Variants in WSCD2 observed in about 807,000 individuals in gnomAD.
WSCD2 encodes the protein WSC domain sialate O sulfotransferase 2, also known as sialate:O-sulfotransferase 2.
Under a neutral mutation model 55.7 loss-of-function variants are expected in WSCD2, and 28 were observed. That is an observed-to-expected ratio of 0.50 (90% CI 0.37 to 0.69). WSCD2 has a LOEUF of 0.69. Among genes scored for constraint, WSCD2 ranks in the 30% least tolerant of loss-of-function variants. The pLI is 0.00. For synonymous variants in WSCD2, 301 were observed against 301.9 expected (o/e 1.00, Z 0.03); for missense variants, 616 against 762.1 (o/e 0.81, Z 2.26).
rs140277349 is a variant in WSCD2 at position 108,213,291 on chromosome 12, C to G, written c.682+2986C>G. 5.0e-4 allele frequency among the ~76,000 whole-genome samples: 76 copies of G among 151,556 alleles called. 1 individual carries two copies. In the East Asian group the frequency reaches 0.015, roughly 29 times the overall value. On this transcript the variant is annotated intron_variant, in intron 4 of 8. Coordinates refer to ENST00000547525, the MANE Select transcript of WSCD2 (RefSeq NM_014653.4). ...AAGTAGGATTGGTTGAACCACAGAC[C>G]CAGAGGGCTGCGGGGGCTCTGTCTT...
chr12:108,173,697 G>C (rs1326737067), intron 1 of WSCD2, among the ~76,000 whole-genome samples: 1 of 152,128 alleles, frequency 6.6e-6, no homozygotes, highest in Non-Finnish European at 1.5e-5. Flanking sequence ...AGGGGCCTGA[G>C]TGTGTTTCCT....
intron 1 of WSCD2, among the ~76,000 whole-genome samples, chr12:108,186,261 C>T (rs1219656718): frequency 6.6e-6 from 1 of 152,136 alleles, no homozygotes; most frequent in African/African-American, 2.4e-5. Flanking sequence ...CAGAAAGTTC[C>T]CATATAACCC....
At chr12:108,148,766 T>C (rs1374096325) in intron 1 of WSCD2, among the ~76,000 whole-genome samples, 1 of 152,200 alleles carries the variant, frequency 6.6e-6, no homozygotes, top group Non-Finnish European at 1.5e-5. Context: ...TCTTACTAAG[T>C]GCCAGAAACC....
chr12:108,214,449 T>C lies in WSCD2; in HGVS notation c.682+4144T>C, dbSNP rs141240175. ...CGGGCACGTGGACTCTTTGCCCTTG[T>C]TACAAAAGAACTGAGAAATGGACTT... On this transcript the variant is annotated intron_variant, in intron 4 of 8. Transcript: ENST00000547525. Among the ~76,000 whole-genome samples the C allele has an allele frequency of 2.2e-4, 33 of 152,364 alleles. No individual in the cohort carries two copies. The East Asian group carries it at 6.2e-3, about 28-fold the overall frequency.
intron 2 of WSCD2, among the ~76,000 whole-genome samples, chr12:108,199,509 T>C (rs541564903): frequency 6.6e-6 from 1 of 152,384 alleles, no homozygotes; most frequent in South Asian, 2.1e-4. Context: ...ATCCCAGTTC[T>C]GCAACCTGCT....
rs1399322004 is a variant in WSCD2 at position 108,166,810 on chromosome 12, T to C, written c.-551-28472T>C. ...CTTTCTGTCTTTCTTTCTTTCTCTC[T>C]TTTTTTCTTTTTTTTTTTTTTGACA... On this transcript the variant is annotated intron_variant, in intron 1 of 8. Transcript: ENST00000547525. Among the ~76,000 whole-genome samples the C allele has an allele frequency of 6.8e-5, 10 of 147,670 alleles. No individual in the cohort carries two copies. In the South Asian group the frequency reaches 2.1e-3, roughly 32 times the overall value.
chr12:108,192,462 G>A (rs929905161), intron 1 of WSCD2, among the ~76,000 whole-genome samples: 5 of 152,118 alleles, frequency 3.3e-5, no homozygotes, highest in Non-Finnish European at 2.9e-5. Flanking sequence ...CCCATCCCAC[G>A]AGGACTGCTG....
At chr12:108,207,864 G>A (rs921692028) in intron 3 of WSCD2, among the ~76,000 whole-genome samples, 1 of 152,102 alleles carries the variant, frequency 6.6e-6, no homozygotes, top group South Asian at 2.1e-4. Context: ...GGAAACAGAG[G>A]TGCATTCTAC....
At chr12:108,200,978 A>G (rs1307347415) in intron 2 of WSCD2, among the ~76,000 whole-genome samples, 1 of 152,200 alleles carries the variant, frequency 6.6e-6, no homozygotes, top group African/African-American at 2.4e-5. Flanking sequence ...CCAGAAGGAG[A>G]AAAAGTATTT....
chr12:108,229,906 A>G (rs1288503333), intron 6 of WSCD2, among the ~76,000 whole-genome samples: 1 of 151,974 alleles, frequency 6.6e-6, no homozygotes, highest in African/African-American at 2.4e-5. Context: ...AAAAGTCGGA[A>G]GAATTATGCA....
chr12:108,178,675 C>T (rs952531460), intron 1 of WSCD2, among the ~76,000 whole-genome samples: 1 of 152,170 alleles, frequency 6.6e-6, no homozygotes, highest in Non-Finnish European at 1.5e-5. Context: ...TATTATTCTT[C>T]CATTCACAGT....
intron 4 of WSCD2, among the ~76,000 whole-genome samples, chr12:108,213,663 G>A (rs1036369973): frequency 6.6e-6 from 1 of 152,186 alleles, no homozygotes; most frequent in African/African-American, 2.4e-5. Context: ...AGCAGTGGGA[G>A]AGGAATTAGG....
intron 1 of WSCD2, among the ~76,000 whole-genome samples, chr12:108,141,915 G>A (rs76840359): frequency 2.0e-5 from 3 of 152,094 alleles, no homozygotes; most frequent in African/African-American, 4.8e-5. Flanking sequence ...AGCTGTCCCC[G>A]TCAACTTGAG....
At chr12:108,201,899 G>A (rs1024400940) in intron 2 of WSCD2, among the ~76,000 whole-genome samples, 15 of 152,196 alleles carry the variant, frequency 9.9e-5, no homozygotes, top group African/African-American at 3.1e-4. Flanking sequence ...TTTCTCTACT[G>A]GAGATAAATA....
At chr12:108,207,138 T>TG (rs1224571659) in intron 3 of WSCD2, among the ~76,000 whole-genome samples, 3 of 152,140 alleles carry the variant, frequency 2.0e-5, no homozygotes, top group Non-Finnish European at 4.4e-5. Context: ...AGAGGCCTGG[T>TG]GAACAGGGAC....
chr12:108,173,519 G>A (rs1880464526), intron 1 of WSCD2, among the ~76,000 whole-genome samples: 3 of 151,954 alleles, frequency 2.0e-5, no homozygotes, highest in African/African-American at 7.3e-5. Context: ...CCTTGGTCGG[G>A]GGTTCCCTGA....
intron 1 of WSCD2, among the ~76,000 whole-genome samples, chr12:108,155,901 C>T (rs2136925763): frequency 6.6e-6 from 1 of 152,294 alleles, no homozygotes; most frequent in Non-Finnish European, 1.5e-5. Context: ...TCAAAAGATT[C>T]AGGGAACTGT....
At chr12:108,135,146 G>A (rs112532823) in intron 1 of WSCD2, among the ~76,000 whole-genome samples, 7 of 149,420 alleles carry the variant, frequency 4.7e-5, no homozygotes, top group South Asian at 4.2e-4. Flanking sequence ...CCGTCCATCC[G>A]TCCATCCATC....
At chr12:108,160,512 C>T (rs1216452285) in intron 1 of WSCD2, among the ~76,000 whole-genome samples, 1 of 152,026 alleles carries the variant, frequency 6.6e-6, no homozygotes, top group East Asian at 1.9e-4. Flanking sequence ...ATGGCCAAAG[C>T]AGGAGAAAGA....
Sources: gnomAD v4.1 joint callset for allele counts (sites outside exome capture counted in the v4.1 genomes callset) on GRCh38, gnomAD v4.1.1 for gene constraint, MANE v1.5 for transcripts, NCBI Gene and HGNC (gene_info 2026-07-23, HGNC 2026-07-21) for gene names.